Variants in ARID4B observed in about 807,000 individuals in gnomAD.
The protein encoded by ARID4B is AT-rich interaction domain 4B, also known as AT-rich interactive domain-containing protein 4B.
Under a neutral mutation model 147.5 loss-of-function variants are expected in ARID4B, and 26 were observed. The observed-to-expected ratio is 0.18, with a 90% confidence interval of 0.13 to 0.24. The LOEUF is 0.24. Ranked by LOEUF, ARID4B falls within the 10% of genes least tolerant of loss-of-function variation. The pLI is 1.00. For synonymous variants in ARID4B, 512 were observed against 507.9 expected (o/e 1.01, Z -0.11); for missense variants, 1,179 against 1,511.5 (o/e 0.78, Z 3.65).
chr1:235,300,786 T>C (rs1484805927), intron 2 of ARID4B, among the ~76,000 whole-genome samples: 1 of 152,148 alleles, frequency 6.6e-6, no homozygotes, highest in Non-Finnish European at 1.5e-5. Flanking sequence ...CTCAGCTCAC[T>C]GCAACCTCCA....
intron 2 of ARID4B, among the ~76,000 whole-genome samples, chr1:235,272,786 A>G (rs1396735570): frequency 6.6e-6 from 1 of 151,514 alleles, no homozygotes; most frequent in East Asian, 1.9e-4. Flanking sequence ...AATCACATGT[A>G]ATAAGCACTC....
chr1:235,316,035 T>TTAAAA (rs1674402711), intron 2 of ARID4B, among the ~76,000 whole-genome samples: 1 of 151,866 alleles, frequency 6.6e-6, no homozygotes, highest in Non-Finnish European at 1.5e-5. Flanking sequence ...TTAAATTAAA[T>TTAAAA]TAATAAATAA....
At chr1:235,275,864 C>G (rs565487588) in intron 2 of ARID4B, among the ~76,000 whole-genome samples, 16 of 152,280 alleles carry the variant, frequency 1.1e-4, no homozygotes, top group East Asian at 5.8e-4. Flanking sequence ...GGGCTGGGCA[C>G]AGTGGCTCAC....
chr1:235,315,579 C>T (rs1674372114), intron 2 of ARID4B, among the ~76,000 whole-genome samples: 1 of 152,118 alleles, frequency 6.6e-6, no homozygotes, highest in African/African-American at 2.4e-5. Flanking sequence ...TATTTTCTTC[C>T]TTATAAATGT....
chr1:235,252,054 A>G (rs1410773276), intron 6 of ARID4B, among the ~76,000 whole-genome samples: 1 of 152,166 alleles, frequency 6.6e-6, no homozygotes, highest in East Asian at 1.9e-4. Flanking sequence ...ACTTAGCAAA[A>G]TCCCTGGCAA....
At chr1:235,296,815 A>AAGGG (rs1672756019) in intron 2 of ARID4B, among the ~76,000 whole-genome samples, 6 of 14,014 alleles carry the variant, frequency 4.3e-4, no homozygotes, top group African/African-American at 1.8e-3. Context: ...GGAAGGAAGG[A>AAGGG]AGGAAGGAAG....
intron 22 of ARID4B, among the ~76,000 whole-genome samples, chr1:235,173,135 G>A (rs546131828): frequency 1.3e-5 from 2 of 151,836 alleles, no homozygotes; most frequent in African/African-American, 4.8e-5. Flanking sequence ...CACGAGGTCA[G>A]GAGTTCGATA....
chr1:235,173,802 A>G (rs1386078418), intron 22 of ARID4B, among the ~76,000 whole-genome samples: 1 of 81,942 alleles, frequency 1.2e-5, no homozygotes, highest in African/African-American at 5.1e-5. Context: ...ATATATATAT[A>G]TATATATATA....
chr1:235,320,322 G>A (rs1188389862), intron 2 of ARID4B, among the ~76,000 whole-genome samples: 1 of 151,882 alleles, frequency 6.6e-6, no homozygotes, highest in Non-Finnish European at 1.5e-5. Flanking sequence ...AAGGAGGGAG[G>A]GCACTTGTGG....
At chr1:235,189,399 C>CAAAAA (rs11299121) in intron 19 of ARID4B, among the ~76,000 whole-genome samples, 13 of 58,898 alleles carry the variant, frequency 2.2e-4, no homozygotes, top group African/African-American at 3.2e-4. Flanking sequence ...GACTCAGTCT[C>CAAAAA]AAAAAAAAAA....
At chr1:235,313,754 A>G (rs1674244385) in intron 2 of ARID4B, among the ~76,000 whole-genome samples, 1 of 152,206 alleles carries the variant, frequency 6.6e-6, no homozygotes, top group Non-Finnish European at 1.5e-5. Context: ...ATATTTACTA[A>G]GAGAAGCTTC....
chr1:235,178,928 T>A (rs753742884), intron 20 of ARID4B, among the ~76,000 whole-genome samples: 1 of 152,188 alleles, frequency 6.6e-6, no homozygotes, highest in Non-Finnish European at 1.5e-5. Context: ...ATTTCTTTTT[T>A]ATTTTTTACA....
At chr1:235,214,162 G>C (rs1004846733) in intron 16 of ARID4B, 136 bp from the exon 17 acceptor site, 3 of 1,091,082 alleles carry the variant, frequency 2.7e-6, no homozygotes, top group Non-Finnish European at 3.8e-6. Context: ...GAAATTCTCA[G>C]AGTTTCATTT....
At chr1:235,323,779 C>T (rs12753233) in intron 2 of ARID4B, among the ~76,000 whole-genome samples, 44,452 of 150,344 alleles carry the variant, frequency 0.3, 7,636 homozygotes, top group South Asian at 0.53. Context: ...AGCAAAAGTC[C>T]GTCTTAAAAA....
chr1:235,231,291 A>G, intron 9 of ARID4B, 102 bp from the exon 10 acceptor site: 2 of 635,450 alleles, frequency 3.1e-6, no homozygotes, highest in Non-Finnish European at 2.6e-6. Context: ...GATACTGAAA[A>G]TATGGGAATG....
chr1:235,254,889 T>G (rs1053714529), intron 5 of ARID4B, among the ~76,000 whole-genome samples: 1 of 151,978 alleles, frequency 6.6e-6, no homozygotes, highest in Non-Finnish European at 1.5e-5. Flanking sequence ...GAGATACTAC[T>G]TTATGTCCAA....
At chr1:235,220,068 T>A (rs893498210) in intron 15 of ARID4B, 100 bp from the exon 16 acceptor site, 2 of 839,088 alleles carry the variant, frequency 2.4e-6, no homozygotes, top group Non-Finnish European at 3.4e-6. Context: ...CCAATTCTAA[T>A]ATTAAAAGTT....
At chr1:235,272,222 A>T (rs1558266465) in intron 2 of ARID4B, among the ~76,000 whole-genome samples, 1 of 152,202 alleles carries the variant, frequency 6.6e-6, no homozygotes, top group African/African-American at 2.4e-5. Flanking sequence ...TCATTGATGT[A>T]ACACTATATA....
chr1:235,300,418 TAAA>T (rs34888924), intron 2 of ARID4B, among the ~76,000 whole-genome samples: 11 of 143,572 alleles, frequency 7.7e-5, no homozygotes, highest in African/African-American at 1.0e-4. Flanking sequence ...CTCCGTCTCA[TAAA>T]AAAAAAAAAA....
Sources: allele counts gnomAD v4.1 joint callset (sites outside exome capture counted in the v4.1 genomes callset), GRCh38; gene constraint gnomAD v4.1.1; transcripts MANE v1.5; gene names NCBI Gene and HGNC (gene_info 2026-07-23, HGNC 2026-07-21).